ANK2: variants seen among roughly 807,000 people sequenced by gnomAD.
ANK2 encodes the protein ankyrin 2, also known as ankyrin-2.
In ANK2, 83 loss-of-function variants were observed where a neutral mutation model predicts 360.5. That is an observed-to-expected ratio of 0.23 (90% CI 0.19 to 0.28). The LOEUF (loss-of-function observed/expected upper bound fraction) is 0.28, where lower values mean the gene tolerates loss of function less well. ANK2 is among the 10% of genes least tolerant of loss of function. The probability of loss-of-function intolerance (pLI) is 1.00; values close to 1 mark genes in which losing one functional copy is unlikely to be tolerated. For missense variants in ANK2, 4,201 were observed against 4,795.7 expected, an observed-to-expected ratio of 0.88 and a Z score of 3.66; for synonymous variants, 1,740 against 1,759.5, an observed-to-expected ratio of 0.99 and a Z score of 0.28.
chr4:112,923,498 AT>A (rs2091987960), intron 2 of ANK2, among the ~76,000 whole-genome samples: 1 of 151,970 alleles, frequency 6.6e-6, no homozygotes. Context: ...AGCTCAAGTG[AT>A]ACATAAAATT....
chr4:112,859,581 T>C (rs2067345829), intron 1 of ANK2, among the ~76,000 whole-genome samples: 1 of 152,150 alleles, frequency 6.6e-6, no homozygotes, highest in African/African-American at 2.4e-5. Flanking sequence ...CATTATCTCT[T>C]TATTTGTTGC....
intron 45 of ANK2, among the ~76,000 whole-genome samples, chr4:113,374,428 A>G (rs1205902141): frequency 3.9e-5 from 6 of 152,188 alleles, no homozygotes; most frequent in African/African-American, 7.2e-5. Flanking sequence ...TCATCTTTGT[A>G]ATACCAAAAG....
chr4:113,038,308 G>A (rs2062057607), intron 2 of ANK2, among the ~76,000 whole-genome samples: 2 of 151,888 alleles, frequency 1.3e-5, no homozygotes, highest in South Asian at 4.1e-4. Context: ...GATCAACAAA[G>A]ACTTTTTTTT....
chr4:113,116,021 G>A (rs1379089779), intron 1 of ANK2, among the ~76,000 whole-genome samples: 1 of 152,064 alleles, frequency 6.6e-6, no homozygotes, highest in Non-Finnish European at 1.5e-5. Context: ...TGCCATCCTT[G>A]GCATCCTATT....
At chr4:113,052,097 A>G (rs765549698) in intron 1 of ANK2, among the ~76,000 whole-genome samples, 8 of 152,234 alleles carry the variant, frequency 5.3e-5, no homozygotes, top group Non-Finnish European at 1.2e-4. Flanking sequence ...ATTGAGATTT[A>G]CATAAATGTA....
chr4:112,831,748 C>T (rs2059784664), intron 1 of ANK2, among the ~76,000 whole-genome samples: 1 of 152,174 alleles, frequency 6.6e-6, no homozygotes, highest in African/African-American at 2.4e-5. Flanking sequence ...GGGTCCACGC[C>T]ACCTTTATAA....
At chr4:113,303,578 A>G (rs558535103) in intron 23 of ANK2, among the ~76,000 whole-genome samples, 2 of 152,342 alleles carry the variant, frequency 1.3e-5, no homozygotes, top group African/African-American at 2.4e-5. Context: ...CTCTACTTCA[A>G]CTAGAGTAGC....
At chr4:113,051,662 A>C (rs2067083230) in intron 1 of ANK2, among the ~76,000 whole-genome samples, 1 of 152,148 alleles carries the variant, frequency 6.6e-6, no homozygotes, top group Admixed American at 6.6e-5. Flanking sequence ...ACATAAACAC[A>C]CACATACACA....
rs2093280804 is a variant in ANK2, at chr4:113,103,829, T to G, written c.84+54017T>G. Among the ~76,000 whole-genome samples the G allele has an allele frequency of 3.3e-5, 5 of 152,270 alleles. 1 individual carries two copies. The Middle Eastern group carries it at 0.017, about 518-fold the overall frequency. ...TGGAATATGTACACACATCTGAATA[T>G]TTGCTTAAATATAAAACAAGAGTAA... is the stretch of plus-strand genomic sequence containing the variant. On this transcript the variant is annotated intron_variant, in intron 1 of 45. Coordinates refer to ENST00000357077, the MANE Select transcript of ANK2 (RefSeq NM_001148.6).
chr4:113,339,508 C>A (rs1274975684), intron 32 of ANK2, among the ~76,000 whole-genome samples, 186 bp downstream of exon 32: 3 of 152,182 alleles, frequency 2.0e-5, no homozygotes, highest in African/African-American at 7.2e-5. Flanking sequence ...AATACAGTAA[C>A]AAAGTATTAC....
chr4:113,072,402 GT>G (rs1394942013), intron 1 of ANK2, among the ~76,000 whole-genome samples: 9 of 152,228 alleles, frequency 5.9e-5, no homozygotes. Flanking sequence ...AGCATATACA[GT>G]TGGAATTTGG....
intron 1 of ANK2, among the ~76,000 whole-genome samples, chr4:112,878,903 G>T (rs1047831891): frequency 2.6e-5 from 4 of 152,152 alleles, no homozygotes; most frequent in African/African-American, 9.7e-5. Flanking sequence ...GATTACAAGC[G>T]TGAGCCACTG....
intron 2 of ANK2, among the ~76,000 whole-genome samples, chr4:112,960,614 T>G (rs1306200130): frequency 6.6e-6 from 1 of 152,204 alleles, no homozygotes; most frequent in Non-Finnish European, 1.5e-5. Context: ...TGTATTTAAT[T>G]CAAGACGAAA....
intron 1 of ANK2, among the ~76,000 whole-genome samples, chr4:112,862,248 AGTAGT>A (rs1469173513): frequency 6.6e-6 from 1 of 152,252 alleles, no homozygotes; most frequent in Non-Finnish European, 1.5e-5. Context: ...GCTTTAGTGC[AGTAGT>A]GTTTGACAGA....
intron 2 of ANK2, among the ~76,000 whole-genome samples, chr4:112,981,519 A>G (rs796193881): frequency 6.6e-5 from 10 of 152,338 alleles, no homozygotes; most frequent in African/African-American, 1.9e-4. Flanking sequence ...TAGTAACTTC[A>G]TGGATGAGAA....
At chr4:112,810,150 TATATATA>T in the ANK2 span, among the ~76,000 whole-genome samples, 252 of 25,286 alleles carry the variant, frequency 1.0e-2, 5 homozygotes, top group South Asian at 0.024. Context: ...TATATATATA[TATATATA>T]TATTTTTTTT....
chr4:112,865,966 A>G (rs960565475), intron 1 of ANK2, among the ~76,000 whole-genome samples: 3 of 152,132 alleles, frequency 2.0e-5, no homozygotes, highest in Non-Finnish European at 4.4e-5. Context: ...TGAAATAAAG[A>G]TTTGTTACAC....
At chr4:113,343,308 G>A (rs1390145005) in intron 34 of ANK2, among the ~76,000 whole-genome samples, 166 bp downstream of exon 34, 3 of 151,984 alleles carry the variant, frequency 2.0e-5, no homozygotes, top group East Asian at 1.9e-4. Flanking sequence ...TTTTATTTTT[G>A]AGGTTCAAAG....
In ANK2 at chr4:112,998,994, A is replaced by G. The variant is rs1191711919; in HGVS notation, c.21+94480A>G. Among the ~76,000 whole-genome samples the G allele has an allele frequency of 2.6e-5, 4 of 152,210 alleles. No homozygotes were observed. In the East Asian group the frequency reaches 7.7e-4, roughly 29 times the overall value. ...AAGTGAGAGAGAATGCTATAACTAA[A>G]ATTTAGCAAGAATAACCTTGTCTCC... On this transcript the variant is annotated intron_variant, in intron 2 of 30. Coordinates refer to the ANK2 transcript ENST00000503271.
Sources: allele counts gnomAD v4.1 joint callset (sites outside exome capture counted in the v4.1 genomes callset), GRCh38; gene constraint gnomAD v4.1.1; transcripts MANE v1.5; gene names NCBI Gene and HGNC (gene_info 2026-07-23, HGNC 2026-07-21).